Variants in PCDHGA6 observed in about 807,000 individuals in gnomAD.
PCDHGA6 encodes the protein protocadherin gamma subfamily A, 6.
A neutral mutation model predicts 60.6 loss-of-function variants in PCDHGA6; 41 were observed. The observed-to-expected ratio is 0.68, with a 90% CI of 0.53 to 0.88. PCDHGA6 has a LOEUF of 0.88. Ranked by LOEUF, PCDHGA6 falls within the 40% of genes least tolerant of loss-of-function variation. PCDHGA6 has a pLI of 0.00. For missense variants in PCDHGA6, 1,312 were observed against 1,203.0 expected, an observed-to-expected ratio of 1.09 and a Z score of -1.34; for synonymous variants, 594 against 524.4, an observed-to-expected ratio of 1.13 and a Z score of -1.81.
At chr5:141,445,575 G>A (rs571896159) in intron 1 of PCDHGA6, among the ~76,000 whole-genome samples, 18 of 152,262 alleles carry the variant, frequency 1.2e-4, no homozygotes, top group African/African-American at 4.3e-4. Flanking sequence ...CTTATAGTAG[G>A]GAAGCTTCGC....
chr5:141,418,247 G>A, intron 1 of PCDHGA6: 1 of 1,614,032 alleles, frequency 6.2e-7, no homozygotes, highest in Non-Finnish European at 8.5e-7. Context: ...TAATGACCAC[G>A]CCCCTCAATT....
At chr5:141,495,020 C>G in intron 2 of PCDHGA6, 155 bp downstream of exon 2, 1 of 976,790 alleles carries the variant, frequency 1.0e-6, no homozygotes, top group Non-Finnish European at 1.2e-6. Context: ...GGCTGGCACA[C>G]AGACCCCGGA....
At chr5:141,452,161 A>G (rs559274240) in intron 1 of PCDHGA6, among the ~76,000 whole-genome samples, 1 of 152,204 alleles carries the variant, frequency 6.6e-6, no homozygotes, top group South Asian at 2.1e-4. Context: ...GTTATATTCT[A>G]TTACTAACAT....
intron 1 of PCDHGA6, among the ~76,000 whole-genome samples, chr5:141,450,047 C>T (rs2098667027): frequency 2.2e-5 from 3 of 136,836 alleles, no homozygotes; most frequent in African/African-American, 8.5e-5. Flanking sequence ...CACTCTTTCG[C>T]CCAGGCTGGA....
intron 1 of PCDHGA6, among the ~76,000 whole-genome samples, chr5:141,452,054 C>A (rs578157525): frequency 6.4e-4 from 97 of 152,196 alleles, no homozygotes; most frequent in African/African-American, 2.2e-3. Flanking sequence ...TTTGTAATAA[C>A]TTATTCTACT....
intron 1 of PCDHGA6, chr5:141,383,132 A>G: frequency 1.2e-6 from 2 of 1,614,110 alleles, no homozygotes; most frequent in Non-Finnish European, 1.7e-6. Context: ...TTCGCCCTGA[A>G]CCAGCGCAGC....
intron 1 of PCDHGA6, chr5:141,419,557 G>T: frequency 2.5e-6 from 4 of 1,611,872 alleles, no homozygotes; most frequent in Middle Eastern, 1.7e-4. Context: ...TGTACCCTGC[G>T]CTGGGTCCCG....
rs760895208 is a variant in PCDHGA6, at chr5:141,374,510, C to T, written c.427C>T (p.Leu143Phe). ...AAAGGAAGAATTGGAAGTGAAAATT[C>T]TCGAAAACGCAGCTCCATCCTCTCG... ...FLKEELEVKI[L>F]ENAAPSSRFP... The change falls in exon 1 of 4, where the codon CTC (leucine) becomes TTC (phenylalanine). Residue 143 changes from leucine to phenylalanine, a missense_variant. Transcript: ENST00000517434. 1.2e-6 allele frequency: 2 copies of T among 1,611,824 alleles called. No homozygotes were observed. The highest frequency in any genetic ancestry group is 2.2e-5 in the East Asian group (1 of 44,780).
At chr5:141,478,468 C>A (rs2099457906) in intron 1 of PCDHGA6, 2 of 1,613,800 alleles carry the variant, frequency 1.2e-6, no homozygotes, top group Admixed American at 1.7e-5. Flanking sequence ...CACTGGCCAG[C>A]CGCCAGAACA....
At chr5:141,400,168 C>T (rs1042097050) in intron 1 of PCDHGA6, 5 of 1,614,088 alleles carry the variant, frequency 3.1e-6, no homozygotes, top group Non-Finnish European at 4.2e-6. Flanking sequence ...CTCTGACCCC[C>T]AGGCTGAGCT....
intron 1 of PCDHGA6, chr5:141,478,866 C>G: frequency 7.7e-7 from 1 of 1,304,352 alleles, no homozygotes; most frequent in East Asian, 2.5e-5. Context: ...TCTCAGCGAT[C>G]AGAGTTTAGC....
At chr5:141,478,723 A>C in intron 1 of PCDHGA6, 16 of 1,543,220 alleles carry the variant, frequency 1.0e-5, no homozygotes, top group Non-Finnish European at 1.3e-5. Flanking sequence ...GTGGCCTGCC[A>C]GAGTGTGGTT....
Position 141,491,995 on chromosome 5 carries a change from G to C in PCDHGA6, c.2425-2812G>C, listed in dbSNP as rs76332593. On this transcript the variant is annotated intron_variant, in intron 1 of 3. Transcript: ENST00000517434. The surrounding 1 kb of genome is among the most constrained non-coding windows in gnomAD (Gnocchi z 6.9). ...CTCCTTCGAGCTTCCGGTGAATTTC[G>C]GGCGATTTCCGCGGGTGTCGGGGGT... is the stretch of plus-strand genomic sequence containing the variant. 0.033 allele frequency: 22,941 copies of C among 696,644 alleles called. 426 individuals carry two copies. The highest frequency in any genetic ancestry group is 0.093 in the Middle Eastern group (249 of 2,666). The allele number at this position is 696,644 out of a possible 1,614,324, so 43.2% of individuals were successfully genotyped here. A position where few individuals can be genotyped will look rare whatever the true frequency, so the allele number is the denominator to read the frequency against.
chr5:141,413,909 T>C, intron 1 of PCDHGA6: 2 of 1,613,316 alleles, frequency 1.2e-6, no homozygotes, highest in Non-Finnish European at 1.7e-6. Context: ...AACGCGCCGG[T>C]CTTCACCTTG....
At chr5:141,388,365 G>A (rs2091332064) in intron 1 of PCDHGA6, 1 of 1,614,002 alleles carries the variant, frequency 6.2e-7, no homozygotes, top group East Asian at 2.2e-5. Flanking sequence ...CCATGATGCG[G>A]ATATTGGTAG....
chr5:141,506,544 G>GT (rs2099854759), intron 3 of PCDHGA6, among the ~76,000 whole-genome samples: 1 of 151,880 alleles, frequency 6.6e-6, no homozygotes, highest in Non-Finnish European at 1.5e-5. Flanking sequence ...GAGTCCTTAG[G>GT]TAAGTTATTA....
chr5:141,462,078 C>T (rs2154567608), intron 1 of PCDHGA6, among the ~76,000 whole-genome samples: 1 of 152,304 alleles, frequency 6.6e-6, no homozygotes, highest in East Asian at 1.9e-4. Flanking sequence ...CCGCCTTGGC[C>T]TCCCAAAATG....
At chr5:141,420,211 T>C (rs759486952) in intron 1 of PCDHGA6, 11 of 1,612,388 alleles carry the variant, frequency 6.8e-6, no homozygotes, top group African/African-American at 1.3e-5. Context: ...TCAACAAAGA[T>C]AGCATGCTAC....
chr5:141,431,150 CCTTA>C lies in PCDHGA6; in HGVS notation c.2424+54647_2424+54650del, dbSNP rs1302288904. ...AGTAAGGGACATTAACGACAATGCG[CCTTA>C]CTTTCGTGAAAGTGAATTAGAAATA... On this transcript the variant is annotated intron_variant, in intron 1 of 3. Coordinates refer to ENST00000517434, the MANE Select transcript of PCDHGA6 (RefSeq NM_018919.3). The surrounding 1 kb of genome is among the most constrained non-coding windows in gnomAD (Gnocchi z 4.8). 3 of 1,614,226 alleles carry C rather than the reference CCTTA, an allele frequency of 1.9e-6. No individual in the cohort carries two copies. The highest frequency in any genetic ancestry group is 2.2e-5 in the East Asian group (1 of 44,876).
Sources: allele counts gnomAD v4.1 joint callset (sites outside exome capture counted in the v4.1 genomes callset), GRCh38; gene constraint gnomAD v4.1.1; non-coding constraint Gnocchi (gnomAD v3.1); transcripts MANE v1.5; gene names NCBI Gene and HGNC (gene_info 2026-07-23, HGNC 2026-07-21).